ZNF821: variants seen among roughly 807,000 people sequenced by gnomAD.
ZNF821 encodes the protein zinc finger protein 821.
In ZNF821, 16 loss-of-function variants were observed where a neutral mutation model predicts 44.3. The observed-to-expected ratio is 0.36, with a 90% confidence interval of 0.24 to 0.55. The LOEUF (loss-of-function observed/expected upper bound fraction) is 0.55. Among genes scored for constraint, ZNF821 ranks in the 20% least tolerant of loss-of-function variants. The pLI, the probability that ZNF821 is intolerant of heterozygous loss-of-function variation, is 0.86. For synonymous variants in ZNF821, 204 were observed against 197.6 expected, an observed-to-expected ratio of 1.03 and a Z score of -0.27; for missense variants, 436 against 547.6, an observed-to-expected ratio of 0.80 and a Z score of 2.03.
At chr16:71,878,598 T>C (rs1040150000) in intron 3 of ZNF821, among the ~76,000 whole-genome samples, 1 of 152,112 alleles carries the variant, frequency 6.6e-6, no homozygotes, top group African/African-American at 2.4e-5. Flanking sequence ...ATATGGCACA[T>C]AGTCTCTGCC....
chr16:71,888,454 G>T (rs527944916), upstream of ZNF821, among the ~76,000 whole-genome samples: 1 of 152,194 alleles, frequency 6.6e-6, no homozygotes, highest in African/African-American at 2.4e-5. Flanking sequence ...TATGGTGTGA[G>T]GCCGGGGTGG....
chr16:71,883,670 C>A (rs1282985924), intron 1 of ZNF821: 2 of 152,340 alleles, frequency 1.3e-5, no homozygotes, highest in East Asian at 3.8e-4. Context: ...GCAAAAGCCC[C>A]CCGGCCCCGC....
upstream of ZNF821, among the ~76,000 whole-genome samples, chr16:71,886,150 G>T (rs1181963169): frequency 6.6e-6 from 1 of 152,190 alleles, no homozygotes; most frequent in Non-Finnish European, 1.5e-5. Context: ...TGATAATAAT[G>T]CTATTCTTAT....
Position 71,860,218 on chromosome 16 carries a change from G to A in ZNF821, c.1039C>T (p.Arg347Ter), listed in dbSNP as rs768184150. Reference protein sequence around the residue: ...EKRQARLIREREAKRLKRRLE... With the variant: ...EKRQARLIRE ...CTCCTCTTGAGCCGCTTGGCCTCTC[G>A]CTCTCGGATGAGCCGGGCCTGCCGC... Residue 347 changes from arginine (R) to a stop codon, truncating the protein, a stop_gained, in exon 8 of 8, where the codon CGA becomes TGA. Coordinates refer to ENST00000425432, the MANE Select transcript of ZNF821 (RefSeq NM_001201552.2). LOFTEE classifies it high-confidence loss of function. This position sits in a 1 kb window ranked among gnomAD's most constrained non-coding sequence, Gnocchi z 7.3. 1.2e-6 allele frequency: 2 copies of A among 1,614,148 alleles called. No individual in the cohort carries two copies. The highest frequency in any genetic ancestry group is 1.7e-6 in the Non-Finnish European group (2 of 1,180,020).
At chr16:71,894,986 C>A in exon 1 of ZNF821, 2 of 675,470 alleles carry the variant, frequency 3.0e-6, no homozygotes, top group South Asian at 1.7e-5. Flanking sequence ...AAAGGGCAAC[C>A]GGACGGCTTA....
At chr16:71,876,648 GAGTGC>G (rs1247050906) in intron 3 of ZNF821, among the ~76,000 whole-genome samples, 2 of 152,002 alleles carry the variant, frequency 1.3e-5, no homozygotes, top group African/African-American at 4.8e-5. Flanking sequence ...GCTCAGGCTG[GAGTGC>G]AGTGGCATGA....
chr16:71,882,671 C>G (rs2036554129), intron 2 of ZNF821, among the ~76,000 whole-genome samples: 1 of 152,172 alleles, frequency 6.6e-6, no homozygotes, highest in Non-Finnish European at 1.5e-5. Flanking sequence ...AGTCCCCTCC[C>G]ACACAACGAA....
chr16:71,860,300 C>G lies in ZNF821; in HGVS notation c.957G>C (p.Arg319=). The change falls in exon 8 of 8, where the codon CGG becomes CGC. Residue 319 remains arginine (R), a synonymous_variant. Transcript: ENST00000425432. The surrounding 1 kb of genome is among the most constrained non-coding windows in gnomAD (Gnocchi z 7.3). The part of the protein sequence containing the change: ...MQETDEQRAR[R]LQRDREAMRL... Reference sequence around the variant, plus strand: ...TCATGGCCTCCCGATCCCGCTGCAGCCGGCGTGCCCGCTGCTCGTCTGTCT... The same window carrying G: ...TCATGGCCTCCCGATCCCGCTGCAGGCGGCGTGCCCGCTGCTCGTCTGTCT... The G allele has an allele frequency of 1.2e-6, 2 of 1,613,100 alleles. No individual in the cohort carries two copies. The highest frequency in any genetic ancestry group is 1.7e-6 in the Non-Finnish European group (2 of 1,180,000).
intron 3 of ZNF821, among the ~76,000 whole-genome samples, chr16:71,869,190 G>A (rs75784134): frequency 4.9e-4 from 75 of 152,286 alleles, no homozygotes; most frequent in African/African-American, 1.5e-3. Flanking sequence ...TCACCAGACA[G>A]CAAGAGGGAA....
In ZNF821 at chr16:71,879,980, G is replaced by C; in HGVS notation, c.-34C>G. Reference sequence around the variant, plus strand: ...GATGCAAGAGCTCTGGTCTTTCCCAGTTTCACGACTGGATATGTTACTACC... The same window carrying C: ...GATGCAAGAGCTCTGGTCTTTCCCACTTTCACGACTGGATATGTTACTACC... On this transcript the variant is annotated 5_prime_UTR_variant, in exon 3 of 8. Coordinates refer to ENST00000425432, the MANE Select transcript of ZNF821 (RefSeq NM_001201552.2). 1 of 1,608,140 alleles carries C rather than the reference G, an allele frequency of 6.2e-7. No homozygotes were observed. The highest frequency in any genetic ancestry group is 8.5e-7 in the Non-Finnish European group (1 of 1,176,694).
At position 71,859,770 on chromosome 16, in the gene ZNF821, G is replaced by A. The variant is rs2033625100; in HGVS notation, c.*248C>T. On this transcript the variant is annotated 3_prime_UTR_variant, in exon 8 of 8. Coordinates refer to ENST00000425432, the MANE Select transcript of ZNF821 (RefSeq NM_001201552.2). Reference sequence around the variant, plus strand: ...TCCTAGAAGCACAGCCTGTGGCAGTGGGCTGGGGAGGCCAGTTCTCTGGAC... The same window carrying A: ...TCCTAGAAGCACAGCCTGTGGCAGTAGGCTGGGGAGGCCAGTTCTCTGGAC... 1 of 528,094 alleles carries A rather than the reference G, an allele frequency of 1.9e-6. No individual in the cohort carries two copies. Among genetic ancestry groups the A allele is most frequent in the Non-Finnish European group, 3.3e-6 (1 of 300,776 alleles). The allele number at this position is 528,094 out of a possible 1,614,324, so 32.7% of individuals were successfully genotyped here. A position where few individuals can be genotyped will look rare whatever the true frequency, so the allele number is the denominator to read the frequency against.
chr16:71,879,783 T>C (rs1439413372), intron 3 of ZNF821, 124 bp downstream of exon 3: 2 of 920,934 alleles, frequency 2.2e-6, no homozygotes, highest in East Asian at 5.3e-5. Context: ...CTCAGCAAAC[T>C]GTGTTTTACA....
At chr16:71,872,506 G>C (rs1402499902) in intron 3 of ZNF821, among the ~76,000 whole-genome samples, 1 of 152,080 alleles carries the variant, frequency 6.6e-6, no homozygotes, top group Non-Finnish European at 1.5e-5. Flanking sequence ...CCAGCTACTC[G>C]GGAGGCTGAG....
At chr16:71,893,631 T>G (rs1159588769) in intron 1 of ZNF821, among the ~76,000 whole-genome samples, 2 of 150,786 alleles carry the variant, frequency 1.3e-5, no homozygotes, top group African/African-American at 4.9e-5. Context: ...CGGCTAATTT[T>G]TGTATTTTTA....
intron 1 of ZNF821, among the ~76,000 whole-genome samples, chr16:71,890,399 T>A (rs2036878723): frequency 6.6e-6 from 1 of 152,046 alleles, no homozygotes; most frequent in Non-Finnish European, 1.5e-5. Context: ...ACTTTTTTTT[T>A]TTTTTCAGAC....
intron 1 of ZNF821, chr16:71,894,306 G>C (rs2036921788): frequency 6.6e-6 from 1 of 151,634 alleles, no homozygotes; most frequent in Non-Finnish European, 1.5e-5. Context: ...TGTTGCCCAG[G>C]CTGGAGGGCA....
At chr16:71,873,136 A>G (rs1163366416) in intron 3 of ZNF821, among the ~76,000 whole-genome samples, 1 of 152,228 alleles carries the variant, frequency 6.6e-6, no homozygotes, top group Non-Finnish European at 1.5e-5. Flanking sequence ...ACCCTGGCCA[A>G]CATGGCATAA....
chr16:71,872,096 G>A (rs1281437709), intron 3 of ZNF821, among the ~76,000 whole-genome samples: 2 of 152,030 alleles, frequency 1.3e-5, no homozygotes, highest in Admixed American at 6.6e-5. Context: ...CTCCCAAAGT[G>A]GTGGGATTAC....
intron 6 of ZNF821, 35 bp from the exon 7 acceptor site, chr16:71,861,977 C>T: frequency 6.2e-7 from 1 of 1,610,426 alleles, no homozygotes; most frequent in Non-Finnish European, 8.5e-7. Flanking sequence ...CAGTCTTGCG[C>T]TACCTCCAGG....
Sources: allele counts gnomAD v4.1 joint callset (sites outside exome capture counted in the v4.1 genomes callset), GRCh38; gene constraint gnomAD v4.1.1; non-coding constraint Gnocchi (gnomAD v3.1); transcripts MANE v1.5; gene names NCBI Gene and HGNC (gene_info 2026-07-23, HGNC 2026-07-21).